USP14: variants seen among roughly 807,000 people sequenced by gnomAD.
The protein encoded by USP14 is ubiquitin carboxyl-terminal hydrolase 14.
In USP14, 38 loss-of-function variants were observed where a neutral mutation model predicts 76.5. The observed-to-expected ratio is 0.50, with a 90% CI of 0.38 to 0.65. The LOEUF (loss-of-function observed/expected upper bound fraction) is 0.65. Ranked by LOEUF, USP14 falls within the 30% of genes least tolerant of loss-of-function variation. The probability of loss-of-function intolerance (pLI) is 0.00; values close to 1 mark genes in which losing one functional copy is unlikely to be tolerated. For missense variants in USP14, 467 were observed against 586.5 expected (o/e 0.80, Z 2.10); for synonymous variants, 192 against 191.7 (o/e 1.00, Z -0.01).
At chr18:166,607 A>G (rs573994046) in intron 2 of USP14, among the ~76,000 whole-genome samples, 180 bp from the exon 3 acceptor site, 1 of 152,336 alleles carries the variant, frequency 6.6e-6, no homozygotes, top group East Asian at 1.9e-4. Context: ...TGCTGGGATT[A>G]CAGGCGTGAG....
At chr18:173,253 G>A (rs929453817) in intron 3 of USP14, among the ~76,000 whole-genome samples, 5 of 150,080 alleles carry the variant, frequency 3.3e-5, no homozygotes, top group South Asian at 2.1e-4. Context: ...GACTACAGGT[G>A]CCTGCCACCA....
intron 3 of USP14, among the ~76,000 whole-genome samples, chr18:169,076 C>CAA (rs549648133): frequency 1.5e-5 from 2 of 133,392 alleles, no homozygotes; most frequent in African/African-American, 2.8e-5. Context: ...GACTCCATCT[C>CAA]AAAAAAAAAA....
chr18:177,298 TGC>T (rs1199945008), intron 3 of USP14, among the ~76,000 whole-genome samples: 1 of 151,928 alleles, frequency 6.6e-6, no homozygotes, highest in African/African-American at 2.4e-5. Context: ...GGCTTATACT[TGC>T]AGTCCCAGCA....
intron 1 of USP14, 69 bp from the exon 2 acceptor site, chr18:163,239 G>A (rs765556676): frequency 8.5e-5 from 121 of 1,422,108 alleles, no homozygotes; most frequent in Admixed American, 6.9e-5. Flanking sequence ...CCTAATTGGT[G>A]ATCTTCTAAG....
At chr18:183,703 C>T (rs1174152160) in intron 5 of USP14, among the ~76,000 whole-genome samples, 1 of 150,812 alleles carries the variant, frequency 6.6e-6, no homozygotes, top group Non-Finnish European at 1.5e-5. Context: ...GGATCTAAAT[C>T]CTGCTTTTAT....
At chr18:174,656 G>A (rs1403583069) in intron 3 of USP14, among the ~76,000 whole-genome samples, 1 of 150,018 alleles carries the variant, frequency 6.7e-6, no homozygotes, top group Non-Finnish European at 1.5e-5. Context: ...GTCGGCTGGA[G>A]TGCAGTGGCA....
chr18:185,888 G>T (rs1230624200), intron 5 of USP14, among the ~76,000 whole-genome samples: 2 of 143,428 alleles, frequency 1.4e-5, no homozygotes, highest in African/African-American at 5.2e-5. Context: ...TTTAAGTAGA[G>T]ACAAGAGATG....
intron 3 of USP14, among the ~76,000 whole-genome samples, chr18:167,252 A>T (rs943642940): frequency 2.0e-5 from 3 of 152,200 alleles, no homozygotes; most frequent in African/African-American, 7.2e-5. Flanking sequence ...ACTGCACTCC[A>T]GCCTGGCAAC....
chr18:173,148 G>A (rs966141746), intron 3 of USP14, among the ~76,000 whole-genome samples: 5 of 141,922 alleles, frequency 3.5e-5, no homozygotes, highest in African/African-American at 1.1e-4. Context: ...TCACCCTGTT[G>A]CCCAGGCTGG....
At position 196,690 on chromosome 18, in the gene USP14, A is replaced by G. The variant is rs1424602803; in HGVS notation, c.517A>G (p.Ile173Val). 4 of 1,614,016 alleles carry G rather than the reference A, an allele frequency of 2.5e-6. No homozygotes were observed. Among genetic ancestry groups the G allele is most frequent in the South Asian group, 1.1e-5 (1 of 91,062 alleles). Residue 173 changes from isoleucine (I) to valine (V), a missense_variant, in exon 7 of 16, where the codon ATT (isoleucine) becomes GTT (valine). Coordinates refer to ENST00000261601, the MANE Select transcript of USP14 (RefSeq NM_005151.4). ...TAAAACTTCTTCCAGTATTCCACCT[A>G]TTATTCTACTGCAGTTTTTGCACAT... The part of the protein sequence containing the change: ...MDKTSSSIPP[I>V]ILLQFLHMAF...
intron 1 of USP14, among the ~76,000 whole-genome samples, chr18:162,082 T>TA (rs1909136250): frequency 6.6e-6 from 1 of 152,220 alleles, no homozygotes; most frequent in Non-Finnish European, 1.5e-5. Context: ...TCTTTCCTTT[T>TA]TAAGGTTGAA....
chr18:167,859 C>T (rs896005503), intron 3 of USP14, among the ~76,000 whole-genome samples: 5 of 151,024 alleles, frequency 3.3e-5, no homozygotes, highest in Non-Finnish European at 1.5e-5. Context: ...AACATTTGTT[C>T]GCTGCTTAAA....
chr18:201,384 A>AGT (rs200503546), intron 10 of USP14, among the ~76,000 whole-genome samples: 4,611 of 152,262 alleles, frequency 0.03, 220 homozygotes, highest in African/African-American at 0.1. Context: ...TAAACACTGA[A>AGT]GTGGGACATG....
chr18:199,557 T>A (rs566748), intron 10 of USP14, among the ~76,000 whole-genome samples: 25,040 of 151,946 alleles, frequency 0.16, 2,368 homozygotes, highest in Non-Finnish European at 0.23. Flanking sequence ...TAAAAAAAAA[T>A]TTCTGCTTTT....
chr18:160,650 A>G (rs371969303), intron 1 of USP14, among the ~76,000 whole-genome samples: 1 of 152,252 alleles, frequency 6.6e-6, no homozygotes, highest in Non-Finnish European at 1.5e-5. Flanking sequence ...AAAAAGTTTT[A>G]AGTAACTTGC....
chr18:193,690 G>T (rs1462611439), intron 6 of USP14, among the ~76,000 whole-genome samples: 1 of 152,108 alleles, frequency 6.6e-6, no homozygotes, highest in Non-Finnish European at 1.5e-5. Flanking sequence ...TAAATAATAT[G>T]TAGTCTCTTG....
Position 163,448 on chromosome 18 carries a change from C to A in USP14, c.157C>A (p.Leu53Ile). Residue 53 changes from leucine to isoleucine, a missense_variant, in exon 2 of 16, where the codon CTA becomes ATA. Transcript: ENST00000261601. ...GAAAGTTATGGTGAAAGGAGGAACGCTAAAGGTAAAATGTAGTCCAAATTT... is the reference window on the plus strand; with the variant it reads ...GAAAGTTATGGTGAAAGGAGGAACGATAAAGGTAAAATGTAGTCCAAATTT... ...RQKVMVKGGT[L>I]KDDDWGNIKI... 6.2e-7 allele frequency: 1 copy of A among 1,611,350 alleles called. No individual in the cohort carries two copies. The highest frequency in any genetic ancestry group is 8.5e-7 in the Non-Finnish European group (1 of 1,179,168).
intron 5 of USP14, among the ~76,000 whole-genome samples, chr18:190,016 A>G (rs760164765): frequency 9.2e-5 from 14 of 152,296 alleles, no homozygotes; most frequent in Non-Finnish European, 1.8e-4. Flanking sequence ...TTTGAACTCT[A>G]TGAACAGAAA....
chr18:169,904 G>A (rs890892908), intron 3 of USP14, among the ~76,000 whole-genome samples: 1 of 152,010 alleles, frequency 6.6e-6, no homozygotes, highest in Non-Finnish European at 1.5e-5. Context: ...AAACTTAATC[G>A]ACAAATGTGT....
Sources: allele counts gnomAD v4.1 joint callset (sites outside exome capture counted in the v4.1 genomes callset), GRCh38; gene constraint gnomAD v4.1.1; transcripts MANE v1.5; gene names NCBI Gene and HGNC (gene_info 2026-07-23, HGNC 2026-07-21).